LRRK2: variants seen among roughly 807,000 people sequenced by gnomAD.
LRRK2 encodes the protein leucine rich repeat kinase 2, also known as leucine-rich repeat serine/threonine-protein kinase 2.
In LRRK2, 203 loss-of-function variants were observed where a neutral mutation model predicts 302.6. That is an observed-to-expected ratio of 0.67 (90% CI 0.60 to 0.75). The LOEUF (loss-of-function observed/expected upper bound fraction) is 0.75. Ranked by LOEUF, LRRK2 falls within the 30% of genes least tolerant of loss-of-function variation. The probability of loss-of-function intolerance (pLI) is 0.00; values close to 1 mark genes in which losing one functional copy is unlikely to be tolerated. For synonymous variants in LRRK2, 1,066 were observed against 1,031.9 expected (o/e 1.03, Z -0.63); for missense variants, 2,830 against 2,951.0 (o/e 0.96, Z 0.95).
intron 44 of LRRK2, among the ~76,000 whole-genome samples, chr12:40,352,462 A>G (rs1946381240): frequency 2.0e-5 from 1 of 50,346 alleles, no homozygotes; most frequent in Non-Finnish European, 4.8e-5. Context: ...TTCTGAGGTT[A>G]AACAATCTTT....
intron 1 of LRRK2, 128 bp downstream of exon 1, chr12:40,225,410 A>G (rs1015957456): frequency 2.3e-6 from 3 of 1,302,318 alleles, no homozygotes; most frequent in East Asian, 2.5e-5. Context: ...GCAAACTCCC[A>G]TATCCTTTCC....
chr12:40,322,144 G>C lies in LRRK2; in HGVS notation c.5280G>C (p.Glu1760Asp), dbSNP rs1945421392. 6.2e-7 allele frequency: 1 copy of C among 1,612,492 alleles called. No individual in the cohort carries two copies. Among genetic ancestry groups the C allele is most frequent in the African/African-American group, 1.3e-5 (1 of 74,748 alleles). The change falls in exon 36 of 51, where the codon GAG becomes GAC. Residue 1760 changes from glutamate (E) to aspartate (D), a missense_variant. Glu to Asp is a conservative substitution (Grantham distance 45). This residue lies in a region of LRRK2 where 2,121 missense variants were observed against 2,148.0 expected (regional missense o/e 0.99). Transcript: ENST00000298910. ...VGSEVLDNHPESFLKITVPSC... is the reference protein window; with the variant it reads ...VGSEVLDNHPDSFLKITVPSC... ...CTGAAGTCTTAGACAATCATCCAGA[G>C]AGTTTCTTAAAAATTACAGTTCCTT... is the stretch of plus-strand genomic sequence containing the variant.
intron 14 of LRRK2, among the ~76,000 whole-genome samples, chr12:40,271,045 G>A (rs1365880382): frequency 6.6e-6 from 1 of 152,004 alleles, no homozygotes. Context: ...CCAAAGTGCT[G>A]AGATTACAAA....
At chr12:40,313,411 T>C (rs1945099070) in intron 31 of LRRK2, among the ~76,000 whole-genome samples, 1 of 152,012 alleles carries the variant, frequency 6.6e-6, no homozygotes, top group Non-Finnish European at 1.5e-5. Flanking sequence ...GTTTAGATGA[T>C]TTCTCATTTT....
At position 40,315,255 on chromosome 12, in the gene LRRK2, C is replaced by T; in HGVS notation, c.4782C>T (p.Asp1594=). 6.2e-7 allele frequency: 1 copy of T among 1,612,718 alleles called. No homozygotes were observed. The highest frequency in any genetic ancestry group is 1.1e-5 in the South Asian group (1 of 91,070). The part of the protein sequence containing the change: ...HFQDPALQLS[D]LYFVEPKWLC... ...AAGACCCAGCACTGCAGTTAAGTGA[C>T]TTGTACTTTGTGGAACCCAAGTGGC... is the stretch of plus-strand genomic sequence containing the variant. Residue 1594 remains aspartate (D), a synonymous_variant, in exon 33 of 51, where the codon GAC becomes GAT. Transcript: ENST00000298910.
chr12:40,348,551 T>A, intron 43 of LRRK2, 42 bp downstream of exon 43: 2 of 1,186,590 alleles, frequency 1.7e-6, no homozygotes, highest in Non-Finnish European at 2.5e-6. Context: ...AGAACATCAT[T>A]TGCATATATG....
intron 45 of LRRK2, 61 bp from the exon 46 acceptor site, chr12:40,356,054 A>G (rs1565777630): frequency 2.8e-6 from 3 of 1,087,790 alleles, no homozygotes; most frequent in Non-Finnish European, 2.8e-6. Flanking sequence ...GGAGAACATT[A>G]AGGCCATTTT....
chr12:40,345,622 CAAAAAAAAAA>C (rs144415226), intron 41 of LRRK2, among the ~76,000 whole-genome samples: 1 of 67,528 alleles, frequency 1.5e-5, no homozygotes, highest in African/African-American at 6.3e-5. Context: ...GACTCCATCT[CAAAAAAAAAA>C]AAAAAAAAAA....
chr12:40,350,286 T>G (rs1946313212), intron 43 of LRRK2, among the ~76,000 whole-genome samples: 1 of 152,222 alleles, frequency 6.6e-6, no homozygotes, highest in Non-Finnish European at 1.5e-5. Flanking sequence ...ACATTTATAT[T>G]ATCTCACTTT....
At chr12:40,253,510 T>C (rs1370670988) in intron 11 of LRRK2, among the ~76,000 whole-genome samples, 4 of 152,136 alleles carry the variant, frequency 2.6e-5, no homozygotes, top group Non-Finnish European at 5.9e-5. Flanking sequence ...CTCAGCTTCC[T>C]GAGTATCTGG....
chr12:40,277,866 A>AT (rs762948195), intron 16 of LRRK2, 22 bp from the exon 17 acceptor site: 64 of 1,566,644 alleles, frequency 4.1e-5, no homozygotes, highest in East Asian at 9.4e-5. Flanking sequence ...TTATTTTATT[A>AT]TTTTTTTTCT....
Position 40,251,464 on chromosome 12 carries a change from G to A in LRRK2, c.1102-1G>A. ...GATTTCTTTTTTCTCCCCTAATCCA[G>A]GAGGCCGCATGCTGGGCACTAAATA... On this transcript the variant is annotated splice_acceptor_variant, in intron 9 of 50. Transcript: ENST00000298910. LOFTEE classifies it high-confidence loss of function. The A allele has an allele frequency of 3.7e-6, 6 of 1,611,650 alleles. No homozygotes were observed. Among genetic ancestry groups the A allele is most frequent in the Non-Finnish European group, 5.1e-6 (6 of 1,178,618 alleles).
chr12:40,236,336 A>G (rs1941464409), intron 4 of LRRK2, among the ~76,000 whole-genome samples: 1 of 152,158 alleles, frequency 6.6e-6, no homozygotes, highest in South Asian at 2.1e-4. Flanking sequence ...TAAGTGACAA[A>G]CACTGAAGTG....
chr12:40,349,986 C>T (rs4768233), intron 43 of LRRK2, among the ~76,000 whole-genome samples: 116,871 of 152,150 alleles, frequency 0.77, 45,735 homozygotes, highest in Non-Finnish European at 0.86. Flanking sequence ...GCCCAGTTAA[C>T]GTAAATCTGG....
chr12:40,359,568 T>C lies in LRRK2; in HGVS notation c.7028+124T>C, dbSNP rs913498136. On this transcript the variant is annotated intron_variant, in intron 47 of 50. Coordinates refer to ENST00000298910, the MANE Select transcript of LRRK2 (RefSeq NM_198578.4). ...TTTAAAATGCATAATTTATTTTCTA[T>C]CATAAAATTAAACTTTCATTATAAA... 7.8e-5 allele frequency: 69 copies of C among 886,454 alleles called. No individual in the cohort carries two copies. In the South Asian group the frequency reaches 1.3e-3, roughly 16 times the overall value. 54.9% of individuals were successfully genotyped at this position (886,454 alleles called of 1,614,324 possible).
chr12:40,251,230 A>G lies in LRRK2; in HGVS notation c.959-2A>G. 6.4e-7 allele frequency: 1 copy of G among 1,560,622 alleles called. No individual in the cohort carries two copies. Among genetic ancestry groups the G allele is most frequent in the Non-Finnish European group, 8.7e-7 (1 of 1,144,510 alleles). Reference sequence around the variant, plus strand: ...TTTATATATTTTTCAATTTTTTTCAAGCTGAGACTATTTTCTTAAATCAAG... The same window carrying G: ...TTTATATATTTTTCAATTTTTTTCAGGCTGAGACTATTTTCTTAAATCAAG... On this transcript the variant is annotated splice_acceptor_variant, in intron 8 of 50. Coordinates refer to ENST00000298910, the MANE Select transcript of LRRK2 (RefSeq NM_198578.4). LOFTEE classifies it high-confidence loss of function.
rs141293633 is a variant in LRRK2 at position 40,308,500 on chromosome 12, T to G, written c.3993T>G (p.Pro1331=). Reference sequence around the variant, plus strand: ...AACAGCGATTAAAAAAGGCTGTGCCTTATAACCGAATGAAACTTATGATTG... The same window carrying G: ...AACAGCGATTAAAAAAGGCTGTGCCGTATAACCGAATGAAACTTATGATTG... ...FLQQRLKKAV[P]YNRMKLMIVG... Residue 1331 remains proline, a synonymous_variant, in exon 29 of 51, where the codon CCT becomes CCG. Coordinates refer to ENST00000298910, the MANE Select transcript of LRRK2 (RefSeq NM_198578.4). The G allele has an allele frequency of 2.0e-5, 32 of 1,613,784 alleles. No individual in the cohort carries two copies. The highest frequency in any genetic ancestry group is 2.6e-5 in the Non-Finnish European group (31 of 1,179,936).
In LRRK2 at chr12:40,354,439, A is replaced by C. The variant is rs1394687211; in HGVS notation, c.6717A>C (p.Glu2239Asp). 1 of 1,614,168 alleles carries C rather than the reference A, an allele frequency of 6.2e-7. No homozygotes were observed. The change falls in exon 45 of 51, where the codon GAA becomes GAC. Residue 2239 changes from glutamate (E) to aspartate (D), a missense_variant. Transcript: ENST00000298910. ...TEDGKKRHTLEKMTDSVTCLY... is the reference protein window; with the variant it reads ...TEDGKKRHTLDKMTDSVTCLY... ...ATGGGAAAAAGAGACATACCCTAGA[A>C]AAGATGACTGATTCTGTCACTTGTT...
intron 29 of LRRK2, 86 bp downstream of exon 29, chr12:40,308,782 C>T (rs1017808666): frequency 1.6e-6 from 2 of 1,220,424 alleles, no homozygotes; most frequent in Non-Finnish European, 2.4e-6. Flanking sequence ...GTTCTAATAT[C>T]CAGAAACCTG....
Sources: allele counts gnomAD v4.1 joint callset (sites outside exome capture counted in the v4.1 genomes callset), GRCh38; gene constraint gnomAD v4.1.1; regional missense constraint gnomAD v4.1.1; transcripts MANE v1.5; gene names NCBI Gene and HGNC (gene_info 2026-07-23, HGNC 2026-07-21).